SPON1: variants seen among roughly 807,000 people sequenced by gnomAD.
SPON1 encodes spondin 1, also known as spondin-1.
Under a neutral mutation model 111.7 loss-of-function variants are expected in SPON1, and 52 were observed. The ratio of observed to expected loss-of-function variants is 0.47; its 90% CI spans 0.37 to 0.59. The LOEUF is 0.59. Ranked by LOEUF, SPON1 falls within the 20% of genes least tolerant of loss-of-function variation. The pLI is 0.00. For synonymous variants in SPON1, 410 were observed against 395.8 expected, an observed-to-expected ratio of 1.04 and a Z score of -0.43; for missense variants, 957 against 1,068.5, an observed-to-expected ratio of 0.90 and a Z score of 1.46.
At chr11:14,057,563 CTT>C (rs1848754056) in intron 3 of SPON1, among the ~76,000 whole-genome samples, 1 of 152,076 alleles carries the variant, frequency 6.6e-6, no homozygotes, top group African/African-American at 2.4e-5. Context: ...GGGAGAATAT[CTT>C]TGCAAGAATT....
chr11:14,186,698 C>T (rs1848289505), intron 6 of SPON1, among the ~76,000 whole-genome samples: 1 of 152,192 alleles, frequency 6.6e-6, no homozygotes, highest in African/African-American at 2.4e-5. Flanking sequence ...CTACATTTCC[C>T]ATTTATATCC....
chr11:14,133,399 G>T (rs1554927738), intron 5 of SPON1, among the ~76,000 whole-genome samples: 1 of 152,202 alleles, frequency 6.6e-6, no homozygotes, highest in African/African-American at 2.4e-5. Flanking sequence ...AATGTGATTT[G>T]TGCTATGGCA....
At chr11:14,161,313 AT>A (rs1201249143) in intron 6 of SPON1, among the ~76,000 whole-genome samples, 3 of 127,302 alleles carry the variant, frequency 2.4e-5, no homozygotes, top group Admixed American at 1.8e-4. Context: ...ATATTTTTTT[AT>A]ATCTATATAT....
chr11:14,182,008 G>A (rs1457588957), intron 6 of SPON1, among the ~76,000 whole-genome samples: 2 of 152,216 alleles, frequency 1.3e-5, no homozygotes, highest in African/African-American at 4.8e-5. Flanking sequence ...CCTGGGAAAT[G>A]TGACAGCTCT....
rs1339299185 is a variant in SPON1, at chr11:14,268,087, T to C, written c.*2400T>C. On this transcript the variant is annotated 3_prime_UTR_variant, in exon 16 of 16. Transcript: ENST00000576479. ...AAATGGGAATAAACCTGGGTTTCTA[T>C]AGACCCAGAACTGAAAAAATAAACA... Among the ~76,000 whole-genome samples the C allele has an allele frequency of 6.6e-6, 1 of 152,222 alleles. No individual in the cohort carries two copies. The highest frequency in any genetic ancestry group is 1.9e-4 in the East Asian group (1 of 5,192).
chr11:14,044,719 T>C (rs146525566), intron 3 of SPON1, among the ~76,000 whole-genome samples: 1 of 152,388 alleles, frequency 6.6e-6, no homozygotes, highest in African/African-American at 2.4e-5. Flanking sequence ...GACTTATCTC[T>C]GCTTTTACAT....
At chr11:14,012,487 C>T (rs782603393) in intron 2 of SPON1, among the ~76,000 whole-genome samples, 4 of 152,296 alleles carry the variant, frequency 2.6e-5, no homozygotes, top group South Asian at 2.1e-4. Context: ...TCAGTGGCGA[C>T]GTGCAAACCG....
chr11:14,003,314 G>A (rs551365590), intron 2 of SPON1, among the ~76,000 whole-genome samples: 3 of 152,312 alleles, frequency 2.0e-5, no homozygotes, highest in Admixed American at 6.5e-5. Flanking sequence ...TTTATTAGGG[G>A]AACTTACTTA....
At chr11:14,006,171 G>A in intron 2 of SPON1, among the ~76,000 whole-genome samples, 1 of 152,140 alleles carries the variant, frequency 6.6e-6, no homozygotes, top group East Asian at 1.9e-4. Flanking sequence ...AAGGAGTTCT[G>A]GATTGCTAGT....
intron 6 of SPON1, among the ~76,000 whole-genome samples, chr11:14,200,814 T>TAAAAAAAA: frequency 1.3e-5 from 1 of 79,350 alleles, no homozygotes; most frequent in Non-Finnish European, 2.3e-5. Flanking sequence ...GACCCTGTCT[T>TAAAAAAAA]AAAAAAAAAA....
At chr11:14,068,477 G>A (rs1278557564) in intron 3 of SPON1, among the ~76,000 whole-genome samples, 3 of 152,180 alleles carry the variant, frequency 2.0e-5, no homozygotes, top group African/African-American at 4.8e-5. Context: ...AGCTGCACAT[G>A]GGTGTGCAGC....
chr11:14,119,324 G>A (rs1849287761), intron 5 of SPON1, among the ~76,000 whole-genome samples: 1 of 152,118 alleles, frequency 6.6e-6, no homozygotes, highest in Admixed American at 6.5e-5. Flanking sequence ...AGGTAAGAGT[G>A]CATTATTCAG....
intron 3 of SPON1, among the ~76,000 whole-genome samples, chr11:14,074,793 T>G (rs1554921251): frequency 6.6e-6 from 1 of 152,222 alleles, no homozygotes; most frequent in African/African-American, 2.4e-5. Context: ...TTTGACATGT[T>G]TAAGAGGGAG....
chr11:13,982,166 A>ATATGTATG (rs60172146), intron 1 of SPON1, among the ~76,000 whole-genome samples: 3,997 of 151,072 alleles, frequency 0.026, 90 homozygotes, highest in African/African-American at 0.05. Flanking sequence ...AAACTTTATC[A>ATATGTATG]TATGTATGTA....
chr11:13,997,394 T>A (rs2697850), intron 2 of SPON1, among the ~76,000 whole-genome samples: 13 of 152,156 alleles, frequency 8.5e-5, no homozygotes, highest in Non-Finnish European at 1.8e-4. Context: ...TCAAGAAGTC[T>A]CTGAATTTAT....
chr11:14,044,542 G>A (rs184750080), intron 3 of SPON1, among the ~76,000 whole-genome samples: 2 of 152,308 alleles, frequency 1.3e-5, no homozygotes, highest in East Asian at 3.9e-4. Context: ...AATCTGAGGG[G>A]TGGCAGTTGC....
chr11:14,250,556 C>A (rs1284086279), intron 7 of SPON1, among the ~76,000 whole-genome samples: 1 of 152,034 alleles, frequency 6.6e-6, no homozygotes, highest in Non-Finnish European at 1.5e-5. Context: ...TTCTATCTTA[C>A]CTGAATATCA....
At chr11:14,231,506 G>A (rs1235973106) in intron 6 of SPON1, among the ~76,000 whole-genome samples, 3 of 152,136 alleles carry the variant, frequency 2.0e-5, no homozygotes, top group African/African-American at 7.2e-5. Context: ...AGGTTACACA[G>A]TGACAATCCT....
At chr11:13,977,314 T>C (rs1848110393) in intron 1 of SPON1, among the ~76,000 whole-genome samples, 1 of 152,228 alleles carries the variant, frequency 6.6e-6, no homozygotes, top group Non-Finnish European at 1.5e-5. Context: ...ATCAACAGTG[T>C]GTGAAAGTTC....
Sources: allele counts gnomAD v4.1 joint callset (sites outside exome capture counted in the v4.1 genomes callset), GRCh38; gene constraint gnomAD v4.1.1; transcripts MANE v1.5; gene names NCBI Gene and HGNC (gene_info 2026-07-23, HGNC 2026-07-21).